Variants in NINJ2 observed in about 807,000 individuals in gnomAD.
NINJ2 encodes ninjurin 2, also known as ninjurin-2.
Under a neutral mutation model 11.7 loss-of-function variants are expected in NINJ2, and 12 were observed. The observed-to-expected ratio is 1.02, with a 90% CI of 0.66 to 1.66. The LOEUF (loss-of-function observed/expected upper bound fraction) is 1.66, where lower values mean the gene tolerates loss of function less well. Among genes scored for constraint, NINJ2 ranks in the 40% most tolerant of loss-of-function variants. The probability of loss-of-function intolerance (pLI) is 0.00; values close to 1 mark genes in which losing one functional copy is unlikely to be tolerated. For missense variants in NINJ2, 187 were observed against 181.8 expected, an observed-to-expected ratio of 1.03 and a Z score of -0.16; for synonymous variants, 93 against 76.8, an observed-to-expected ratio of 1.21 and a Z score of -1.10.
chr12:623,339 C>G (rs34166160), intron 1 of NINJ2, among the ~76,000 whole-genome samples: 11 of 152,176 alleles, frequency 7.2e-5, no homozygotes, highest in African/African-American at 2.7e-4. Flanking sequence ...CCCCCTCCCC[C>G]ACTGCTACCC....
chr12:619,133 A>AG (rs1024953672), intron 1 of NINJ2, among the ~76,000 whole-genome samples: 35 of 152,112 alleles, frequency 2.3e-4, no homozygotes, highest in African/African-American at 8.2e-4. Flanking sequence ...ATGGTCCAGG[A>AG]GGGGGGCAGT....
chr12:637,640 CAAAA>C (rs1237593355), intron 1 of NINJ2, among the ~76,000 whole-genome samples: 7 of 90,904 alleles, frequency 7.7e-5, no homozygotes, highest in Admixed American at 3.7e-4. Context: ...GACTCCATCT[CAAAA>C]AAAAAAAAAA....
chr12:641,523 C>A (rs565035593), intron 1 of NINJ2, among the ~76,000 whole-genome samples: 1 of 152,250 alleles, frequency 6.6e-6, no homozygotes, highest in South Asian at 2.1e-4. Flanking sequence ...AGATCACTAG[C>A]TCTGATAAGA....
At chr12:587,999 A>G (rs1947663894) in intron 1 of NINJ2, among the ~76,000 whole-genome samples, 1 of 152,188 alleles carries the variant, frequency 6.6e-6, no homozygotes, top group African/African-American at 2.4e-5. Flanking sequence ...GACGACCTAC[A>G]CAGGCCTACA....
At chr12:613,718 A>C (rs906756779) in intron 1 of NINJ2, among the ~76,000 whole-genome samples, 1 of 152,038 alleles carries the variant, frequency 6.6e-6, no homozygotes, top group Non-Finnish European at 1.5e-5. Flanking sequence ...ATCCTGGCTA[A>C]TACGGTGAAA....
In NINJ2 at chr12:581,759, G is replaced by A. The variant is rs1294828761; in HGVS notation, c.34-15581C>T. The stretch of plus-strand genomic sequence containing the variant: ...TTCCCAGCTCACTCGTCTGTAGAAA[G>A]AGGAGACACCCCTTCCTCCTCGTGG... On this transcript the variant is annotated intron_variant, in intron 1 of 3. Coordinates refer to ENST00000305108, the MANE Select transcript of NINJ2 (RefSeq NM_016533.6). This position sits in a 1 kb window ranked among gnomAD's most constrained non-coding sequence, Gnocchi z 4.9. Among the ~76,000 whole-genome samples, 1 of 152,178 alleles carries A rather than the reference G, an allele frequency of 6.6e-6. No homozygotes were observed. Among genetic ancestry groups the A allele is most frequent in the East Asian group, 1.9e-4 (1 of 5,188 alleles).
chr12:564,321 A>G lies in NINJ2; in HGVS notation c.*379T>C, dbSNP rs947739019. 6.6e-6 allele frequency: 1 copy of G among 152,264 alleles called. No individual in the cohort carries two copies. Among genetic ancestry groups the G allele is most frequent in the Admixed American group, 6.5e-5 (1 of 15,284 alleles). 9.4% of individuals were successfully genotyped at this position (152,264 alleles called of 1,614,324 possible). On this transcript the variant is annotated 3_prime_UTR_variant, in exon 4 of 4. Transcript: ENST00000305108. Reference sequence around the variant, plus strand: ...TGGATTTGAAGAAACCTTTATAGATATAGATTCCATTTTACAAGAAGGGAA... The same window carrying G: ...TGGATTTGAAGAAACCTTTATAGATGTAGATTCCATTTTACAAGAAGGGAA...
At chr12:611,248 TC>T (rs1416094041) in intron 1 of NINJ2, among the ~76,000 whole-genome samples, 42 of 102,510 alleles carry the variant, frequency 4.1e-4, no homozygotes, top group African/African-American at 1.7e-3. Flanking sequence ...TCTTTCTTTC[TC>T]TCTCTCTCTT....
At chr12:568,079 T>C (rs1207034407) in intron 1 of NINJ2, among the ~76,000 whole-genome samples, 1 of 152,222 alleles carries the variant, frequency 6.6e-6, no homozygotes, top group Non-Finnish European at 1.5e-5. Context: ...ATCTCAGCAT[T>C]AAAAACTGTT....
At chr12:608,731 G>A (rs1239223890) in intron 1 of NINJ2, among the ~76,000 whole-genome samples, 7 of 70,972 alleles carry the variant, frequency 9.9e-5, no homozygotes, top group Non-Finnish European at 1.7e-4. Context: ...TCAGCAATGT[G>A]GTGAGGTGCA....
rs1592076037 is a variant in NINJ2, at chr12:581,535, C to T, written c.34-15357G>A. ...GCAGGTCCAGCCTGGATCCTCATAC[C>T]GGGGCTCTCCTGTCCTTCCTCAGGA... On this transcript the variant is annotated intron_variant, in intron 1 of 3. Coordinates refer to ENST00000305108, the MANE Select transcript of NINJ2 (RefSeq NM_016533.6). The surrounding 1 kb of genome is among the most constrained non-coding windows in gnomAD (Gnocchi z 4.9). 1.3e-5 allele frequency among the ~76,000 whole-genome samples: 2 copies of T among 152,282 alleles called. No homozygotes were observed. Among genetic ancestry groups the T allele is most frequent in the Admixed American group, 6.5e-5 (1 of 15,294 alleles).
At chr12:622,122 G>GAA (rs71045087) in intron 1 of NINJ2, among the ~76,000 whole-genome samples, 1,066 of 101,290 alleles carry the variant, frequency 0.011, 18 homozygotes, top group African/African-American at 0.039. Flanking sequence ...ACTGTGTCGG[G>GAA]AAAAAAAAAA....
In NINJ2 at chr12:580,804, GTGTC is replaced by G. The variant is rs1947538807; in HGVS notation, c.34-14630_34-14627del. On this transcript the variant is annotated intron_variant, in intron 1 of 3. Coordinates refer to ENST00000305108, the MANE Select transcript of NINJ2 (RefSeq NM_016533.6). This position sits in a 1 kb window ranked among gnomAD's most constrained non-coding sequence, Gnocchi z 4.7. ...GCCACAATGTGTTTTCTGTGTGTGT[GTGTC>G]TGTGTGTATGCGTGTGTGTCTGTGT... Among the ~76,000 whole-genome samples the G allele has an allele frequency of 6.6e-6, 1 of 151,956 alleles. No individual in the cohort carries two copies. The highest frequency in any genetic ancestry group is 2.4e-5 in the African/African-American group (1 of 41,354).
At chr12:574,610 C>G (rs1947427796) in intron 1 of NINJ2, among the ~76,000 whole-genome samples, 1 of 152,202 alleles carries the variant, frequency 6.6e-6, no homozygotes, top group South Asian at 2.1e-4. Flanking sequence ...GCCCTGCCAC[C>G]TTCTACCAGG....
intron 1 of NINJ2, among the ~76,000 whole-genome samples, chr12:662,720 T>C (rs1391828469): frequency 1.3e-5 from 2 of 152,264 alleles, no homozygotes; most frequent in East Asian, 3.9e-4. Context: ...CCTCCAGCAG[T>C]GGACTGGAAC....
chr12:657,199 A>G (rs1333537568), intron 1 of NINJ2, among the ~76,000 whole-genome samples: 2 of 152,242 alleles, frequency 1.3e-5, no homozygotes, highest in African/African-American at 4.8e-5. Flanking sequence ...ATGTCAACAG[A>G]ATAAGACAAG....
chr12:604,467 G>A (rs891712570), intron 1 of NINJ2, among the ~76,000 whole-genome samples: 8 of 152,162 alleles, frequency 5.3e-5, no homozygotes, highest in South Asian at 2.1e-4. Context: ...GTGAAACCCC[G>A]TCTCTACTAA....
At chr12:619,846 C>T (rs549731653) in intron 1 of NINJ2, among the ~76,000 whole-genome samples, 1 of 152,298 alleles carries the variant, frequency 6.6e-6, no homozygotes, top group South Asian at 2.1e-4. Context: ...ATCTCTGCAG[C>T]TTTTAGTAAC....
chr12:661,499 C>G (rs1196746055), intron 1 of NINJ2, among the ~76,000 whole-genome samples: 1 of 152,190 alleles, frequency 6.6e-6, no homozygotes, highest in East Asian at 1.9e-4. Context: ...GAGAAAGGTA[C>G]ACTAACACCT....
Sources: gnomAD v4.1 joint callset for allele counts (sites outside exome capture counted in the v4.1 genomes callset) on GRCh38, gnomAD v4.1.1 for gene constraint, Gnocchi (gnomAD v3.1) non-coding constraint, MANE v1.5 for transcripts, NCBI Gene and HGNC (gene_info 2026-07-23, HGNC 2026-07-21) for gene names.